The following CADPS variants were observed in gnomAD, a reference collection of about 807,000 sequenced individuals.
CADPS encodes calcium dependent secretion activator.
In CADPS, 57 loss-of-function variants were observed where a neutral mutation model predicts 167.3. The ratio of observed to expected loss-of-function variants is 0.34; its 90% CI spans 0.28 to 0.42. CADPS has a LOEUF of 0.42. Ranked by LOEUF, CADPS falls within the 20% of genes least tolerant of loss-of-function variation. The pLI is 1.00. For synonymous variants in CADPS, 676 were observed against 635.3 expected, an observed-to-expected ratio of 1.06 and a Z score of -0.96; for missense variants, 1,414 against 1,738.1, an observed-to-expected ratio of 0.81 and a Z score of 3.32.
intron 1 of CADPS, among the ~76,000 whole-genome samples, chr3:62,815,067 G>T (rs304229): frequency 0.94 from 142,906 of 152,200 alleles, 67,205 homozygotes; most frequent in East Asian, 1. Context: ...CAAATTAAAT[G>T]TCAACTTCTT....
intron 26 of CADPS, among the ~76,000 whole-genome samples, chr3:62,451,783 C>T (rs2058090098): frequency 6.6e-6 from 1 of 152,138 alleles, no homozygotes; most frequent in Admixed American, 6.5e-5. Context: ...AATGTTTGGC[C>T]TTTGAAATTT....
chr3:62,641,954 C>T (rs574268090), intron 6 of CADPS, among the ~76,000 whole-genome samples: 22 of 152,056 alleles, frequency 1.4e-4, no homozygotes, highest in African/African-American at 2.2e-4. Context: ...TCCAATATGA[C>T]GATGCTGAGC....
At chr3:62,531,526 C>A (rs928941663) in intron 13 of CADPS, among the ~76,000 whole-genome samples, 13 of 151,760 alleles carry the variant, frequency 8.6e-5, no homozygotes, top group African/African-American at 3.2e-4. Context: ...GGAGGAAAAG[C>A]ACAGAAAAAA....
intron 13 of CADPS, among the ~76,000 whole-genome samples, chr3:62,528,378 G>A (rs1421555362): frequency 1.3e-5 from 2 of 152,112 alleles, no homozygotes; most frequent in African/African-American, 4.8e-5. Flanking sequence ...AATGTAATAA[G>A]GATAAAATGA....
intron 28 of CADPS, among the ~76,000 whole-genome samples, chr3:62,417,650 A>G (rs1193175292): frequency 1.3e-5 from 2 of 151,996 alleles, no homozygotes; most frequent in Non-Finnish European, 2.9e-5. Context: ...TGTCTCATTG[A>G]ATCTGATTTG....
At chr3:62,736,112 C>T (rs1052143422) in intron 3 of CADPS, among the ~76,000 whole-genome samples, 6 of 152,110 alleles carry the variant, frequency 3.9e-5, no homozygotes, top group Admixed American at 6.6e-5. Context: ...GGTTCAAGTT[C>T]CAAGGATACC....
intron 1 of CADPS, among the ~76,000 whole-genome samples, chr3:62,797,383 C>T (rs147727201): frequency 7.9e-5 from 12 of 152,202 alleles, no homozygotes; most frequent in African/African-American, 2.9e-4. Flanking sequence ...AGTAGACGCC[C>T]ATAAAATATT....
Position 62,438,551 on chromosome 3 carries a change from A to G in CADPS, c.3670-340T>C, listed in dbSNP as rs1050805351. On this transcript the variant is annotated intron_variant, in intron 27 of 29. Coordinates refer to ENST00000383710, the MANE Select transcript of CADPS (RefSeq NM_003716.4). This position sits in a 1 kb window ranked among gnomAD's most constrained non-coding sequence, Gnocchi z 4.7. The stretch of plus-strand genomic sequence containing the variant: ...TTCTCTGACTTTGCCTTGGATTGAA[A>G]CCTGCATTAAAGAATATCCAAACAT... The G allele has an allele frequency of 4.5e-6, 1 of 220,178 alleles. No individual in the cohort carries two copies. The highest frequency in any genetic ancestry group is 9.0e-6 in the Non-Finnish European group (1 of 111,696). The allele number at this position is 220,178 out of a possible 1,614,324, so 13.6% of individuals were successfully genotyped here.
At chr3:62,546,596 G>C (rs1306462065) in intron 11 of CADPS, among the ~76,000 whole-genome samples, 4 of 152,066 alleles carry the variant, frequency 2.6e-5, no homozygotes, top group Non-Finnish European at 2.9e-5. Context: ...AGTATCCAAG[G>C]GTTCTGCATC....
intron 6 of CADPS, among the ~76,000 whole-genome samples, chr3:62,629,466 A>G (rs73840551): frequency 7.0e-4 from 107 of 152,346 alleles, no homozygotes; most frequent in African/African-American, 2.4e-3. Context: ...TTTTATTGCT[A>G]AACAGTACAC....
intron 3 of CADPS, among the ~76,000 whole-genome samples, chr3:62,745,238 T>C (rs1036983930): frequency 6.6e-6 from 1 of 152,072 alleles, no homozygotes; most frequent in African/African-American, 2.4e-5. Context: ...AGCTAAATTA[T>C]TTTGTATTAT....
intron 28 of CADPS, among the ~76,000 whole-genome samples, chr3:62,411,952 A>C (rs1185643801): frequency 6.6e-6 from 1 of 152,164 alleles, no homozygotes; most frequent in Non-Finnish European, 1.5e-5. Context: ...TTCACCCTTC[A>C]AAACAACTGC....
At chr3:62,664,228 G>A (rs1348491553) in intron 3 of CADPS, among the ~76,000 whole-genome samples, 4 of 152,158 alleles carry the variant, frequency 2.6e-5, no homozygotes, top group African/African-American at 4.8e-5. Context: ...ACTGGTCTGC[G>A]AACTCCTGAC....
intron 17 of CADPS, 143 bp from the exon 18 acceptor site, chr3:62,499,411 T>C (rs2065343207): frequency 6.9e-6 from 4 of 583,888 alleles, no homozygotes; most frequent in Admixed American, 2.7e-5. Flanking sequence ...ATGTAATTAG[T>C]AGTGAGCAAA....
At chr3:62,621,122 T>A (rs1287594281) in intron 6 of CADPS, among the ~76,000 whole-genome samples, 3 of 152,214 alleles carry the variant, frequency 2.0e-5, no homozygotes, top group Non-Finnish European at 4.4e-5. Context: ...GTAAAACTTC[T>A]GTGAATTAAA....
chr3:62,818,383 A>T (rs1321587037), intron 1 of CADPS, among the ~76,000 whole-genome samples: 1 of 152,216 alleles, frequency 6.6e-6, no homozygotes. Context: ...TAGACAAAAG[A>T]CTTGACCAGA....
At chr3:62,496,605 G>A (rs2064841305) in intron 18 of CADPS, among the ~76,000 whole-genome samples, 1 of 152,200 alleles carries the variant, frequency 6.6e-6, no homozygotes, top group South Asian at 2.1e-4. Context: ...AACACCAGAT[G>A]CTTTAATGAA....
chr3:62,533,071 T>C lies in CADPS; in HGVS notation c.2104-13A>G, dbSNP rs1455389356. 3 of 1,604,574 alleles carry C rather than the reference T, an allele frequency of 1.9e-6. No individual in the cohort carries two copies. Among genetic ancestry groups the C allele is most frequent in the Non-Finnish European group, 2.6e-6 (3 of 1,172,930 alleles). ...GACTGAACCAGCCCTATATAAAGAATAAAGGAGAGACTTTCTTTTAAATAC... is the reference window on the plus strand; with the variant it reads ...GACTGAACCAGCCCTATATAAAGAACAAAGGAGAGACTTTCTTTTAAATAC... On this transcript the variant is annotated splice_polypyrimidine_tract_variant and intron_variant, in intron 12 of 29. Transcript: ENST00000383710.
At chr3:62,403,506 A>G (rs1168505344) in intron 28 of CADPS, 1 of 180,508 alleles carries the variant, frequency 5.5e-6, no homozygotes, top group African/African-American at 2.4e-5. Flanking sequence ...TTTATTGGTT[A>G]ATTTTACACC....
Sources: gnomAD v4.1 joint callset for allele counts (sites outside exome capture counted in the v4.1 genomes callset) on GRCh38, gnomAD v4.1.1 for gene constraint, Gnocchi (gnomAD v3.1) non-coding constraint, MANE v1.5 for transcripts, NCBI Gene and HGNC (gene_info 2026-07-23, HGNC 2026-07-21) for gene names.